Variants in ETV1 observed in about 807,000 individuals in gnomAD.
ETV1 encodes ETS variant transcription factor 1, also known as ETS translocation variant 1.
ETV1 carries 27 observed loss-of-function variants against 62.3 expected under a neutral mutation model. The ratio of observed to expected loss-of-function variants is 0.43; its 90% confidence interval spans 0.32 to 0.60. ETV1 has a LOEUF of 0.60. Ranked by LOEUF, ETV1 falls within the 20% of genes least tolerant of loss-of-function variation. The pLI is 0.06. For missense variants in ETV1, 605 were observed against 605.8 expected, an observed-to-expected ratio of 1.00 and a Z score of 0.01; for synonymous variants, 222 against 199.6, an observed-to-expected ratio of 1.11 and a Z score of -0.94.
At chr7:13,976,289 G>A (rs748689801) in intron 6 of ETV1, among the ~76,000 whole-genome samples, 7 of 152,164 alleles carry the variant, frequency 4.6e-5, no homozygotes, top group Non-Finnish European at 8.8e-5. Flanking sequence ...GTTGAATAGT[G>A]GTGAAGGTTG....
At chr7:13,909,814 T>A (rs941648157) in intron 10 of ETV1, 114 bp from the exon 11 acceptor site, 17 of 868,640 alleles carry the variant, frequency 2.0e-5, no homozygotes, top group Non-Finnish European at 2.8e-5. Flanking sequence ...CCACCACCTT[T>A]CAGTTCCTTG....
rs1304033040 is a variant in ETV1, at chr7:13,986,692, A to C, written c.134-7T>G. ...CTTAGATCTTGAAAGAGTTCTAAAA[A>C]ACAAGTCAAAGACATAAACATAAGA... On this transcript the variant is annotated splice_region_variant and splice_polypyrimidine_tract_variant and intron_variant, in intron 4 of 13. Transcript: ENST00000430479. The C allele has an allele frequency of 1.2e-6, 2 of 1,606,136 alleles. No individual in the cohort carries two copies. The highest frequency in any genetic ancestry group is 1.7e-6 in the Non-Finnish European group (2 of 1,175,356).
intron 5 of ETV1, 32 bp downstream of exon 5, chr7:13,986,606 T>C: frequency 6.2e-7 from 1 of 1,610,832 alleles, no homozygotes; most frequent in Non-Finnish European, 8.5e-7. Context: ...CTAGAGTTGC[T>C]TTCCCCCCTT....
Position 13,931,516 on chromosome 7 carries a change from A to G in ETV1, c.788T>C (p.Phe263Ser), listed in dbSNP as rs1379964139. The change falls in exon 9 of 14, where the codon TTT becomes TCT. Residue 263 changes from phenylalanine to serine, a missense_variant. By Grantham distance (155) the Phe-to-Ser change is radical. Coordinates refer to ENST00000430479, the MANE Select transcript of ETV1 (RefSeq NM_004956.5). ...CGCAGGCCTACCTGAGTCATATGCA[A>G]AATCTCTGGGTTCCTGTTTAATCAT... The part of the protein sequence containing the change: ...PLMIKQEPRD[F>S]AYDSEVPSCH... 5 of 1,613,926 alleles carry G rather than the reference A, an allele frequency of 3.1e-6. No individual in the cohort carries two copies. The highest frequency in any genetic ancestry group is 1.6e-4 in the Middle Eastern group (1 of 6,084).
intron 11 of ETV1, among the ~76,000 whole-genome samples, chr7:13,909,341 G>T (rs1713822112): frequency 6.6e-6 from 1 of 152,080 alleles, no homozygotes; most frequent in South Asian, 2.1e-4. Context: ...AGCTGCATGT[G>T]CTCAGCAGGG....
At chr7:13,957,582 GGAAT>G (rs770092468) in intron 6 of ETV1, among the ~76,000 whole-genome samples, 1 of 152,150 alleles carries the variant, frequency 6.6e-6, no homozygotes, top group Non-Finnish European at 1.5e-5. Flanking sequence ...ACTTGCATAT[GGAAT>G]GAATTTTTTA....
chr7:13,911,044 T>C (rs557927304), intron 10 of ETV1, among the ~76,000 whole-genome samples, 195 bp downstream of exon 10: 3 of 152,318 alleles, frequency 2.0e-5, no homozygotes, highest in South Asian at 2.1e-4. Flanking sequence ...TCTACGCATA[T>C]GACTCATGTT....
At chr7:13,932,044 C>CCACACACA (rs60981382) in intron 8 of ETV1, among the ~76,000 whole-genome samples, 56 of 148,056 alleles carry the variant, frequency 3.8e-4, no homozygotes, top group African/African-American at 1.2e-3. Flanking sequence ...TTTTACACAC[C>CCACACACA]CACACACACA....
At chr7:13,988,534 G>C (rs533002982) in intron 3 of ETV1, 1 of 812,886 alleles carries the variant, frequency 1.2e-6, no homozygotes, top group African/African-American at 1.8e-5. Flanking sequence ...ATTCTCTCTT[G>C]GACAGCCCCT....
chr7:13,955,103 A>G (rs1305936382), intron 6 of ETV1, among the ~76,000 whole-genome samples: 1 of 152,176 alleles, frequency 6.6e-6, no homozygotes, highest in African/African-American at 2.4e-5. Context: ...TTGCAAAAAC[A>G]TTTTATTTGA....
intron 9 of ETV1, among the ~76,000 whole-genome samples, chr7:13,925,159 T>C (rs879554415): frequency 1.2e-4 from 18 of 152,320 alleles, no homozygotes; most frequent in African/African-American, 4.1e-4. Context: ...TTGAAAGTTC[T>C]TCTTTCCCTC....
chr7:13,989,710 G>C (rs1360515064), upstream of ETV1: 2 of 398,100 alleles, frequency 5.0e-6, no homozygotes. Context: ...TCTCCTCCAG[G>C]GGCCTCCAAT....
At chr7:13,952,385 C>T (rs1022836332) in intron 6 of ETV1, among the ~76,000 whole-genome samples, 2 of 152,136 alleles carry the variant, frequency 1.3e-5, no homozygotes, top group Non-Finnish European at 2.9e-5. Context: ...AAGGGCATAA[C>T]ATTCTAAAGC....
chr7:13,914,740 A>T (rs2282881), intron 9 of ETV1, among the ~76,000 whole-genome samples: 46,502 of 151,990 alleles, frequency 0.31, 7,471 homozygotes, highest in East Asian at 0.39. Flanking sequence ...AAAGTGCAGT[A>T]TTGAATTTGC....
chr7:13,922,438 C>T (rs1267668384), intron 9 of ETV1, among the ~76,000 whole-genome samples: 2 of 152,110 alleles, frequency 1.3e-5, no homozygotes, highest in Admixed American at 6.6e-5. Context: ...AATGTGAAAA[C>T]ACTGAATAGT....
intron 6 of ETV1, among the ~76,000 whole-genome samples, chr7:13,970,323 C>CAG (rs1562698737): frequency 1.6e-5 from 2 of 121,632 alleles, no homozygotes; most frequent in Non-Finnish European, 3.5e-5. Flanking sequence ...CACACACACA[C>CAG]ACAAAGCAGC....
At chr7:13,914,749 G>C (rs954390135) in intron 9 of ETV1, among the ~76,000 whole-genome samples, 2 of 152,026 alleles carry the variant, frequency 1.3e-5, no homozygotes, top group Non-Finnish European at 1.5e-5. Context: ...TATTGAATTT[G>C]CACATTTAAA....
chr7:13,984,253 T>A (rs1302460774), intron 5 of ETV1, among the ~76,000 whole-genome samples: 3 of 151,996 alleles, frequency 2.0e-5, no homozygotes, highest in Non-Finnish European at 1.5e-5. Context: ...ATGGTCACTT[T>A]CTTGGCTATG....
intron 6 of ETV1, among the ~76,000 whole-genome samples, chr7:13,939,519 A>G (rs1373903910): frequency 6.6e-6 from 1 of 152,252 alleles, no homozygotes; most frequent in Non-Finnish European, 1.5e-5. Flanking sequence ...GATATTAACA[A>G]TGCTAGAAGC....
Sources: allele counts gnomAD v4.1 joint callset (sites outside exome capture counted in the v4.1 genomes callset), GRCh38; gene constraint gnomAD v4.1.1; transcripts MANE v1.5; gene names NCBI Gene and HGNC (gene_info 2026-07-23, HGNC 2026-07-21).